TENM3: variants seen among roughly 807,000 people sequenced by gnomAD.
The protein encoded by TENM3 is teneurin-3.
Under a neutral mutation model 255.1 loss-of-function variants are expected in TENM3, and 63 were observed. That is an observed-to-expected ratio of 0.25 (90% confidence interval 0.20 to 0.30). The LOEUF is 0.30. Ranked by LOEUF, TENM3 falls within the 10% of genes least tolerant of loss-of-function variation. The probability of loss-of-function intolerance (pLI) is 1.00; values close to 1 mark genes in which losing one functional copy is unlikely to be tolerated. For missense variants in TENM3, 2,929 were observed against 3,461.1 expected, an observed-to-expected ratio of 0.85 and a Z score of 3.86; for synonymous variants, 1,306 against 1,322.3, an observed-to-expected ratio of 0.99 and a Z score of 0.27.
chr4:182,422,874 C>G (rs969340488), intron 3 of TENM3, among the ~76,000 whole-genome samples: 1 of 152,150 alleles, frequency 6.6e-6, no homozygotes, highest in Non-Finnish European at 1.5e-5. Context: ...ATTGTTGCCC[C>G]CTTCTTCCAG....
chr4:182,156,378 T>G (rs965029889), intron 1 of TENM3, among the ~76,000 whole-genome samples: 1 of 152,120 alleles, frequency 6.6e-6, no homozygotes, highest in African/African-American at 2.4e-5. Flanking sequence ...TCATTTTAGA[T>G]TCAGGGGTGC....
At chr4:181,585,283 A>G in the TENM3 span, among the ~76,000 whole-genome samples, 1 of 152,208 alleles carries the variant, frequency 6.6e-6, no homozygotes, top group Non-Finnish European at 1.5e-5. Flanking sequence ...AAGTATGCAG[A>G]GAAAACAAAT....
chr4:181,701,304 C>T, the TENM3 span, among the ~76,000 whole-genome samples: 1 of 152,194 alleles, frequency 6.6e-6, no homozygotes, highest in Non-Finnish European at 1.5e-5. Flanking sequence ...ATGTGATTCG[C>T]AACACTCAGT....
chr4:182,265,272 A>T (rs557807197), intron 1 of TENM3, among the ~76,000 whole-genome samples: 1 of 152,194 alleles, frequency 6.6e-6, no homozygotes, highest in Non-Finnish European at 1.5e-5. Flanking sequence ...GGGATGGCTA[A>T]TAGTAGTGAT....
At chr4:181,482,875 A>T in the TENM3 span, among the ~76,000 whole-genome samples, 440 of 152,288 alleles carry the variant, frequency 2.9e-3, 3 homozygotes, top group African/African-American at 9.9e-3. Context: ...GACACAGGCC[A>T]ATCCCAAGCA....
At chr4:182,678,692 G>C (rs1561095101) in intron 7 of TENM3, among the ~76,000 whole-genome samples, 1 of 152,086 alleles carries the variant, frequency 6.6e-6, no homozygotes, top group Non-Finnish European at 1.5e-5. Flanking sequence ...TTCCTACGAG[G>C]GTTCCTATGA....
At chr4:182,446,057 G>A (rs1401169728) in intron 3 of TENM3, among the ~76,000 whole-genome samples, 2 of 152,178 alleles carry the variant, frequency 1.3e-5, no homozygotes, top group African/African-American at 4.8e-5. Context: ...ACAAAACTGT[G>A]TATCTTTTCT....
chr4:181,692,313 T>A, the TENM3 span, among the ~76,000 whole-genome samples: 1 of 152,204 alleles, frequency 6.6e-6, no homozygotes, highest in Non-Finnish European at 1.5e-5. Flanking sequence ...TGTGTTGTCT[T>A]ACACTCTATC....
intron 3 of TENM3, among the ~76,000 whole-genome samples, chr4:182,559,127 ATTTTTTTTTTT>A (rs70956518): frequency 7.4e-5 from 8 of 107,480 alleles, no homozygotes; most frequent in African/African-American, 1.2e-4. Flanking sequence ...ATTCCTCGGG[ATTTTTTTTTTT>A]TTTTTTTTTT....
the TENM3 span, among the ~76,000 whole-genome samples, chr4:181,608,980 A>G: frequency 6.6e-6 from 1 of 152,198 alleles, no homozygotes; most frequent in Non-Finnish European, 1.5e-5. Flanking sequence ...CAACTCGGCA[A>G]TTTTACCTAA....
At chr4:182,446,594 T>C (rs540531545) in intron 3 of TENM3, among the ~76,000 whole-genome samples, 3 of 152,286 alleles carry the variant, frequency 2.0e-5, no homozygotes, top group Admixed American at 6.5e-5. Flanking sequence ...GAGTGCATTT[T>C]TGAAGCATAG....
At chr4:182,203,473 T>C (rs928589345) in intron 1 of TENM3, among the ~76,000 whole-genome samples, 10 of 152,076 alleles carry the variant, frequency 6.6e-5, no homozygotes, top group South Asian at 2.1e-4. Context: ...TGCCTCATGA[T>C]TTTTGGAGCG....
chr4:181,636,728 T>C, the TENM3 span, among the ~76,000 whole-genome samples: 1 of 152,244 alleles, frequency 6.6e-6, no homozygotes, highest in Non-Finnish European at 1.5e-5. Flanking sequence ...TTAACAGTTC[T>C]TCTTTTCTCT....
chr4:182,526,626 C>T (rs1283528476), intron 3 of TENM3, among the ~76,000 whole-genome samples: 5 of 152,154 alleles, frequency 3.3e-5, no homozygotes, highest in Admixed American at 6.5e-5. Context: ...CCATGAAGGT[C>T]GAGCTGTAAT....
chr4:181,557,298 A>G, the TENM3 span, among the ~76,000 whole-genome samples: 1 of 152,208 alleles, frequency 6.6e-6, no homozygotes, highest in African/African-American at 2.4e-5. Flanking sequence ...GATGATGGAT[A>G]TATTTTTAAC....
the TENM3 span, among the ~76,000 whole-genome samples, chr4:181,812,753 C>A: frequency 0.055 from 8,421 of 152,192 alleles, 310 homozygotes; most frequent in South Asian, 0.14. Context: ...CTGAGCATGG[C>A]TCAGAATTTC....
At chr4:181,550,556 A>C in the TENM3 span, among the ~76,000 whole-genome samples, 1 of 152,080 alleles carries the variant, frequency 6.6e-6, no homozygotes, top group African/African-American at 2.4e-5. Context: ...GCATGCTGAC[A>C]CTGATGCACT....
At chr4:181,666,259 A>G in the TENM3 span, among the ~76,000 whole-genome samples, 3 of 152,194 alleles carry the variant, frequency 2.0e-5, no homozygotes, top group African/African-American at 4.8e-5. Context: ...GTCTTTATTT[A>G]TTTCGGATAG....
At chr4:182,544,471 C>CAG (rs950907023) in intron 3 of TENM3, among the ~76,000 whole-genome samples, 1 of 151,720 alleles carries the variant, frequency 6.6e-6, no homozygotes, top group African/African-American at 2.4e-5. Context: ...GCCGGGATTA[C>CAG]AGGGGCCCAC....
Sources: gnomAD v4.1 joint callset for allele counts (sites outside exome capture counted in the v4.1 genomes callset) on GRCh38, gnomAD v4.1.1 for gene constraint, MANE v1.5 for transcripts, NCBI Gene and HGNC (gene_info 2026-07-23, HGNC 2026-07-21) for gene names.